The following PPP2R2D variants were observed in gnomAD, a reference collection of about 807,000 sequenced individuals.
PPP2R2D encodes the protein serine/threonine-protein phosphatase 2A 55 kDa regulatory subunit B delta isoform.
In PPP2R2D, 9 loss-of-function variants were observed where a neutral mutation model predicts 31.1. The ratio of observed to expected loss-of-function variants is 0.29; its 90% confidence interval spans 0.17 to 0.51. The LOEUF (loss-of-function observed/expected upper bound fraction) is 0.51. Among genes scored for constraint, PPP2R2D ranks in the 20% least tolerant of loss-of-function variants. The pLI is 0.98. For missense variants in PPP2R2D, 391 were observed against 465.6 expected (o/e 0.84, Z 1.48); for synonymous variants, 179 against 172.6 (o/e 1.04, Z -0.29).
Position 131,945,759 on chromosome 10 carries a change from C to A in PPP2R2D, c.820+300C>A. ...AGTCACCGCACCTGGTCACGCCTGGCGTCTTTTAAAGCATCTCATTTAGAG... is the reference window on the plus strand; with the variant it reads ...AGTCACCGCACCTGGTCACGCCTGGAGTCTTTTAAAGCATCTCATTTAGAG... On this transcript the variant is annotated intron_variant, in intron 7 of 8. Transcript: ENST00000455566. This position sits in a 1 kb window ranked among gnomAD's most constrained non-coding sequence, Gnocchi z 4.8. 1 of 296,458 alleles carries A rather than the reference C, an allele frequency of 3.4e-6. No individual in the cohort carries two copies. The highest frequency in any genetic ancestry group is 6.3e-6 in the Non-Finnish European group (1 of 157,580). The allele number at this position is 296,458 out of a possible 1,614,324, so 18.4% of individuals were successfully genotyped here.
chr10:131,934,647 CTCATT>C, intron 3 of PPP2R2D, 92 bp downstream of exon 3: 1 of 713,244 alleles, frequency 1.4e-6, no homozygotes, highest in Non-Finnish European at 2.6e-6. Context: ...TTCTCATTGT[CTCATT>C]TCATTAAGAT....
intron 2 of PPP2R2D, among the ~76,000 whole-genome samples, chr10:131,933,657 C>G (rs111544690): frequency 1.3e-5 from 2 of 152,302 alleles, no homozygotes; most frequent in African/African-American, 4.8e-5. Flanking sequence ...TGGAACTCCC[C>G]CTGAAAACAG....
intron 2 of PPP2R2D, among the ~76,000 whole-genome samples, chr10:131,924,648 G>T (rs1564815242): frequency 6.6e-6 from 1 of 150,744 alleles, no homozygotes; most frequent in Non-Finnish European, 1.5e-5. Context: ...GCTATTCTGA[G>T]TCCCTTGCAC....
At chr10:131,915,807 A>C (rs2035768801) in intron 2 of PPP2R2D, among the ~76,000 whole-genome samples, 1 of 152,240 alleles carries the variant, frequency 6.6e-6, no homozygotes, top group African/African-American at 2.4e-5. Context: ...TGTTAAAGGC[A>C]TCTGAAATAT....
At chr10:131,927,540 A>G (rs2036130280) in intron 2 of PPP2R2D, among the ~76,000 whole-genome samples, 1 of 152,150 alleles carries the variant, frequency 6.6e-6, no homozygotes. Flanking sequence ...GAATACCTGC[A>G]GAGGGCACAG....
chr10:131,970,718 T>C, the PPP2R2D span: 2 of 1,614,232 alleles, frequency 1.2e-6, no homozygotes, highest in Non-Finnish European at 1.7e-6. The surrounding 1 kb of genome is among the most constrained non-coding windows in gnomAD (Gnocchi z 4.1). Context: ...ATATGCCCCC[T>C]TTCTTCATGA....
intron 3 of PPP2R2D, 111 bp from the exon 4 acceptor site, chr10:131,939,920 T>C (rs1387298382): frequency 1.2e-5 from 5 of 423,412 alleles, no homozygotes; most frequent in Non-Finnish European, 2.2e-5. Context: ...TGAGCCAGGA[T>C]TTTTTAGCTT....
At chr10:131,927,934 T>A (rs2036139078) in intron 2 of PPP2R2D, among the ~76,000 whole-genome samples, 1 of 152,212 alleles carries the variant, frequency 6.6e-6, no homozygotes, top group Non-Finnish European at 1.5e-5. Flanking sequence ...CATATGTAGT[T>A]CTGGGGGCTG....
At chr10:131,944,347 T>C (rs1258857361) in intron 6 of PPP2R2D, among the ~76,000 whole-genome samples, 2 of 152,242 alleles carry the variant, frequency 1.3e-5, no homozygotes, top group African/African-American at 4.8e-5. Flanking sequence ...GGGAAAAAGT[T>C]ATCTGTATAA....
chr10:131,913,939 C>T (rs1421226814), intron 2 of PPP2R2D, among the ~76,000 whole-genome samples: 7 of 152,312 alleles, frequency 4.6e-5, no homozygotes, highest in East Asian at 1.9e-4. Flanking sequence ...GGAATGCAGC[C>T]GTGTGAAGAC....
downstream of PPP2R2D, among the ~76,000 whole-genome samples, chr10:131,962,845 G>C (rs1190139528): frequency 6.6e-6 from 1 of 152,192 alleles, no homozygotes; most frequent in Non-Finnish European, 1.5e-5. Flanking sequence ...ATAGAGCTCC[G>C]TCTGCTTGCC....
chr10:131,909,830 A>G (rs926233839), intron 2 of PPP2R2D, among the ~76,000 whole-genome samples: 1 of 152,228 alleles, frequency 6.6e-6, no homozygotes, highest in Non-Finnish European at 1.5e-5. Context: ...AACAACTTAC[A>G]ATATTTATTT....
At chr10:131,918,519 T>C (rs1373415878) in intron 2 of PPP2R2D, among the ~76,000 whole-genome samples, 1 of 141,068 alleles carries the variant, frequency 7.1e-6, no homozygotes, top group Admixed American at 7.2e-5. Flanking sequence ...TGTAGGGACC[T>C]CAGGCCGGTG....
intron 2 of PPP2R2D, among the ~76,000 whole-genome samples, chr10:131,915,501 C>T (rs1344226890): frequency 3.9e-5 from 6 of 152,194 alleles, no homozygotes; most frequent in South Asian, 2.1e-4. Flanking sequence ...ATGAAGGCTA[C>T]GGTCATGTTG....
chr10:131,916,379 AT>A (rs1554893074), intron 2 of PPP2R2D, among the ~76,000 whole-genome samples: 4 of 151,678 alleles, frequency 2.6e-5, no homozygotes, highest in African/African-American at 9.7e-5. Flanking sequence ...TTGTGGTAAA[AT>A]ATACATGGCA....
downstream of PPP2R2D, among the ~76,000 whole-genome samples, chr10:131,962,380 G>A (rs2036937502): frequency 6.6e-6 from 1 of 152,204 alleles, no homozygotes; most frequent in African/African-American, 2.4e-5. Context: ...GCAAAGAGGC[G>A]AAACCTGTGA....
intron 8 of PPP2R2D, among the ~76,000 whole-genome samples, chr10:131,948,882 G>A (rs782677204): frequency 1.3e-5 from 2 of 152,216 alleles, no homozygotes; most frequent in South Asian, 2.1e-4. Flanking sequence ...GGCAGATAGG[G>A]TCCAAAGGGC....
chr10:131,936,943 A>C (rs1279591956), intron 3 of PPP2R2D, among the ~76,000 whole-genome samples: 3 of 152,208 alleles, frequency 2.0e-5, no homozygotes, highest in African/African-American at 7.2e-5. Context: ...TCTGTGGGTA[A>C]GGGCGGCAGT....
intron 2 of PPP2R2D, among the ~76,000 whole-genome samples, chr10:131,902,523 C>T (rs1207763414): frequency 1.3e-5 from 2 of 152,078 alleles, no homozygotes; most frequent in Non-Finnish European, 2.9e-5. Context: ...CTAAGAAATG[C>T]GTAATATATA....
Sources: gnomAD v4.1 joint callset for allele counts (sites outside exome capture counted in the v4.1 genomes callset) on GRCh38, gnomAD v4.1.1 for gene constraint, Gnocchi (gnomAD v3.1) non-coding constraint, MANE v1.5 for transcripts, NCBI Gene and HGNC (gene_info 2026-07-23, HGNC 2026-07-21) for gene names.